The following PTPRM variants were observed in gnomAD, a reference collection of about 807,000 sequenced individuals.
The protein encoded by PTPRM is protein tyrosine phosphatase receptor type M.
PTPRM carries 47 observed loss-of-function variants against 186.7 expected under a neutral mutation model. That is an observed-to-expected ratio of 0.25 (90% CI 0.20 to 0.32). The LOEUF is 0.32. Ranked by LOEUF, PTPRM falls within the 10% of genes least tolerant of loss-of-function variation. PTPRM has a pLI of 1.00. For missense variants in PTPRM, 1,494 were observed against 1,865.0 expected, an observed-to-expected ratio of 0.80 and a Z score of 3.66; for synonymous variants, 668 against 674.9, an observed-to-expected ratio of 0.99 and a Z score of 0.16.
intron 1 of PTPRM, among the ~76,000 whole-genome samples, chr18:7,718,832 A>C (rs780337233): frequency 1.3e-5 from 2 of 152,224 alleles, no homozygotes; most frequent in African/African-American, 2.4e-5. Context: ...TACTTATCAG[A>C]GAAATGCAAA....
In PTPRM at chr18:7,997,060, C is replaced by G. The variant is rs570742247; in HGVS notation, c.1132+41646C>G. ...AAACAATCCTGATATTCGTATGGAA[C>G]CACAGAAAATCCTGAATAACCAGAG... is the stretch of plus-strand genomic sequence containing the variant. On this transcript the variant is annotated intron_variant, in intron 7 of 32. Coordinates refer to ENST00000580170, the MANE Select transcript of PTPRM (RefSeq NM_001105244.2). 7.9e-5 allele frequency among the ~76,000 whole-genome samples: 12 copies of G among 152,160 alleles called. No homozygotes were observed. In the South Asian group the frequency reaches 2.3e-3, roughly 29 times the overall value.
chr18:7,762,454 G>C (rs1016216265), intron 1 of PTPRM, among the ~76,000 whole-genome samples: 15 of 152,148 alleles, frequency 9.9e-5, no homozygotes, highest in African/African-American at 3.6e-4. Context: ...AAACTAAAGG[G>C]AAGTGGTGGC....
chr18:7,783,350 G>A (rs1256056239), intron 2 of PTPRM, among the ~76,000 whole-genome samples: 2 of 152,172 alleles, frequency 1.3e-5, no homozygotes, highest in African/African-American at 4.8e-5. Flanking sequence ...CTGGGACAGA[G>A]AAACCCACCT....
intron 7 of PTPRM, among the ~76,000 whole-genome samples, chr18:8,067,584 T>C (rs1171398981): frequency 6.6e-6 from 1 of 152,252 alleles, no homozygotes; most frequent in Non-Finnish European, 1.5e-5. Context: ...TGGTAAATGC[T>C]ACGTTGCATA....
At chr18:7,705,305 A>ATCTGTCTGTCTG (rs1568040980) in intron 1 of PTPRM, among the ~76,000 whole-genome samples, 18 of 151,454 alleles carry the variant, frequency 1.2e-4, no homozygotes, top group African/African-American at 4.4e-4. Flanking sequence ...CTATCTATCT[A>ATCTGTCTGTCTG]TCTATCTATC....
intron 7 of PTPRM, among the ~76,000 whole-genome samples, chr18:7,991,531 T>G (rs1352710129): frequency 6.6e-6 from 1 of 152,130 alleles, no homozygotes; most frequent in Non-Finnish European, 1.5e-5. Context: ...TAGCACATAA[T>G]AGAATCGCAG....
Position 7,922,759 on chromosome 18 carries a change from A to G in PTPRM, c.548-3809A>G, listed in dbSNP as rs141630844. On this transcript the variant is annotated intron_variant, in intron 4 of 32. Coordinates refer to ENST00000580170, the MANE Select transcript of PTPRM (RefSeq NM_001105244.2). ...ACCATTTCAGAACTGGCAAAAATGCATGTATTTTTTAATTAGTAATTTCTA... is the reference window on the plus strand; with the variant it reads ...ACCATTTCAGAACTGGCAAAAATGCGTGTATTTTTTAATTAGTAATTTCTA... Among the ~76,000 whole-genome samples the G allele has an allele frequency of 9.5e-3, 1,444 of 152,152 alleles. 24 individuals are homozygous for G. Among genetic ancestry groups the G allele is most frequent in the African/African-American group, 0.033 (1,352 of 41,500 alleles).
chr18:7,603,164 G>A (rs982622447), intron 1 of PTPRM, among the ~76,000 whole-genome samples: 1 of 151,984 alleles, frequency 6.6e-6, no homozygotes. Context: ...TCCTGGCCTC[G>A]TGATCTGCCT....
At chr18:7,795,860 G>A (rs939545315) in intron 2 of PTPRM, among the ~76,000 whole-genome samples, 1 of 143,736 alleles carries the variant, frequency 7.0e-6, no homozygotes, top group Non-Finnish European at 1.5e-5. Context: ...TGTCACCCAG[G>A]CTGAAATTCA....
chr18:8,331,305 C>A (rs529637636), intron 22 of PTPRM, among the ~76,000 whole-genome samples: 99 of 152,322 alleles, frequency 6.5e-4, no homozygotes, highest in African/African-American at 2.3e-3. Flanking sequence ...CTACAAACCA[C>A]CCCATTATTG....
chr18:7,629,198 G>A (rs2038132342), intron 1 of PTPRM, among the ~76,000 whole-genome samples: 1 of 152,206 alleles, frequency 6.6e-6, no homozygotes, highest in Admixed American at 6.5e-5. Flanking sequence ...TGGGTACAGG[G>A]TTTGGGAGGA....
intron 14 of PTPRM, among the ~76,000 whole-genome samples, chr18:8,205,073 G>T (rs764339876): frequency 2.6e-5 from 4 of 152,068 alleles, no homozygotes; most frequent in Non-Finnish European, 5.9e-5. Context: ...TATCTAATTT[G>T]CTTGACAATT....
At chr18:7,626,248 T>C (rs2038059691) in intron 1 of PTPRM, among the ~76,000 whole-genome samples, 1 of 152,178 alleles carries the variant, frequency 6.6e-6, no homozygotes. Context: ...TAATATGACA[T>C]AGGAAATGCC....
intron 5 of PTPRM, among the ~76,000 whole-genome samples, chr18:7,934,956 A>G (rs1599599607): frequency 6.6e-6 from 1 of 152,148 alleles, no homozygotes; most frequent in Non-Finnish European, 1.5e-5. Context: ...TATGTATGCG[A>G]TGTTGCCTTG....
intron 22 of PTPRM, among the ~76,000 whole-genome samples, chr18:8,334,363 G>C (rs1298183388): frequency 2.0e-5 from 3 of 152,144 alleles, no homozygotes; most frequent in Non-Finnish European, 4.4e-5. Context: ...CCTGGTTCCT[G>C]AGCCCACCTG....
At chr18:7,916,463 C>T (rs1004154620) in intron 4 of PTPRM, among the ~76,000 whole-genome samples, 2 of 152,076 alleles carry the variant, frequency 1.3e-5, no homozygotes, top group Non-Finnish European at 2.9e-5. Context: ...CAGAAATATA[C>T]TTCTTACAGT....
At chr18:7,883,809 G>T (rs2146306035) in intron 2 of PTPRM, among the ~76,000 whole-genome samples, 1 of 152,276 alleles carries the variant, frequency 6.6e-6, no homozygotes, top group South Asian at 2.1e-4. Context: ...GTAGGACCAG[G>T]AGAGTTGTGA....
At chr18:8,100,071 G>A (rs183193310) in intron 11 of PTPRM, among the ~76,000 whole-genome samples, 8 of 152,222 alleles carry the variant, frequency 5.3e-5, no homozygotes, top group African/African-American at 1.9e-4. Context: ...GAGGAAGAAG[G>A]CATGTCACAT....
At chr18:7,742,848 T>A (rs1372099968) in intron 1 of PTPRM, among the ~76,000 whole-genome samples, 2 of 152,238 alleles carry the variant, frequency 1.3e-5, no homozygotes, top group Non-Finnish European at 2.9e-5. Context: ...AGCCTCAATT[T>A]AGAAAATTGT....
Sources: gnomAD v4.1 joint callset for allele counts (sites outside exome capture counted in the v4.1 genomes callset) on GRCh38, gnomAD v4.1.1 for gene constraint, MANE v1.5 for transcripts, NCBI Gene and HGNC (gene_info 2026-07-23, HGNC 2026-07-21) for gene names.